The following MACROD2 variants were observed in gnomAD, a reference collection of about 807,000 sequenced individuals.
MACROD2 encodes the protein mono-ADP ribosylhydrolase 2, also known as ADP-ribose glycohydrolase MACROD2.
A neutral mutation model predicts 70.4 loss-of-function variants in MACROD2; 36 were observed. That is an observed-to-expected ratio of 0.51 (90% CI 0.39 to 0.68). The LOEUF is 0.68. Ranked by LOEUF, MACROD2 falls within the 30% of genes least tolerant of loss-of-function variation. MACROD2 has a pLI of 0.00. For synonymous variants in MACROD2, 172 were observed against 178.8 expected, an observed-to-expected ratio of 0.96 and a Z score of 0.30; for missense variants, 496 against 538.4, an observed-to-expected ratio of 0.92 and a Z score of 0.78.
At chr20:14,460,955 T>TC (rs986621002) in intron 3 of MACROD2, among the ~76,000 whole-genome samples, 32 of 151,278 alleles carry the variant, frequency 2.1e-4, no homozygotes, top group African/African-American at 6.6e-4. Context: ...TAGGGAGGAT[T>TC]CCCCCCTTTT....
chr20:15,250,460 C>T (rs2077145529), intron 6 of MACROD2, among the ~76,000 whole-genome samples: 1 of 152,080 alleles, frequency 6.6e-6, no homozygotes. Flanking sequence ...GTCCATTTAG[C>T]TTATGATAAA....
chr20:14,519,687 C>G (rs990861230), intron 4 of MACROD2, among the ~76,000 whole-genome samples: 1 of 152,152 alleles, frequency 6.6e-6, no homozygotes, highest in Non-Finnish European at 1.5e-5. Context: ...AACAGAATTA[C>G]CATTCAACCC....
At chr20:15,547,131 C>T (rs1330133079) in intron 8 of MACROD2, among the ~76,000 whole-genome samples, 2 of 152,284 alleles carry the variant, frequency 1.3e-5, no homozygotes, top group Middle Eastern at 3.4e-3. Context: ...ACTTAAAGCC[C>T]ATTAGTGTGG....
intron 8 of MACROD2, among the ~76,000 whole-genome samples, chr20:15,506,692 C>A (rs150942049): frequency 2.2e-4 from 34 of 152,298 alleles, no homozygotes; most frequent in African/African-American, 6.7e-4. Flanking sequence ...ATGATGCTTA[C>A]ATTTATGATG....
chr20:15,803,276 G>A (rs983830460), intron 8 of MACROD2, among the ~76,000 whole-genome samples: 1 of 152,074 alleles, frequency 6.6e-6, no homozygotes, highest in Non-Finnish European at 1.5e-5. Flanking sequence ...TCAGCAGAGT[G>A]AATCCAACAC....
At chr20:14,101,226 G>A (rs1017552300) in intron 3 of MACROD2, among the ~76,000 whole-genome samples, 1 of 151,710 alleles carries the variant, frequency 6.6e-6, no homozygotes, top group South Asian at 2.1e-4. Context: ...GTTATCATAA[G>A]GCATTCTTGA....
intron 5 of MACROD2, among the ~76,000 whole-genome samples, chr20:14,942,891 AT>A (rs1167521431): frequency 6.6e-6 from 1 of 152,172 alleles, no homozygotes; most frequent in Admixed American, 6.5e-5. Flanking sequence ...TGATAAAATA[AT>A]TTGCAAAGAC....
intron 5 of MACROD2, among the ~76,000 whole-genome samples, chr20:14,738,087 G>GTT (rs11474629): frequency 0.14 from 21,046 of 148,170 alleles, 1,959 homozygotes; most frequent in South Asian, 0.37. Flanking sequence ...TCTATCAAGT[G>GTT]TTTTTTTTTT....
Position 15,786,536 on chromosome 20 carries a change from A to G in MACROD2, c.646-76209A>G, listed in dbSNP as rs2051930342. On this transcript the variant is annotated intron_variant, in intron 8 of 17. Coordinates refer to ENST00000684519, the MANE Select transcript of MACROD2 (RefSeq NM_001351661.2). ...ATAGTTGGCTATTGTCTACAAAGTT[A>G]AAAGGAAGAAAATTATAACAGAATA... Among the ~76,000 whole-genome samples, 4 of 152,238 alleles carry G rather than the reference A, an allele frequency of 2.6e-5. No individual in the cohort carries two copies. The South Asian group carries it at 6.2e-4, about 24-fold the overall frequency.
intron 15 of MACROD2, among the ~76,000 whole-genome samples, chr20:16,004,926 G>A (rs1463943929): frequency 1.3e-5 from 2 of 152,226 alleles, no homozygotes; most frequent in Non-Finnish European, 2.9e-5. Context: ...AAAAAGTGGA[G>A]TATACACCTG....
intron 2 of MACROD2, among the ~76,000 whole-genome samples, chr20:14,076,149 C>CGGCTATCTGCGTATTTGTTTGT (rs1569147723): frequency 6.6e-6 from 1 of 152,020 alleles, no homozygotes; most frequent in African/African-American, 2.4e-5. Flanking sequence ...GATCTGTTTG[C>CGGCTATCTGCGTATTTGTTTGT]GGCTATCTGC....
intron 8 of MACROD2, among the ~76,000 whole-genome samples, chr20:15,581,735 T>C (rs1361828156): frequency 6.6e-6 from 1 of 152,210 alleles, no homozygotes; most frequent in Non-Finnish European, 1.5e-5. Context: ...AGCTGAGATC[T>C]GGTCCTTGAA....
chr20:15,229,354 A>G (rs1197110689), intron 5 of MACROD2, among the ~76,000 whole-genome samples: 1 of 152,248 alleles, frequency 6.6e-6, no homozygotes, highest in Non-Finnish European at 1.5e-5. Flanking sequence ...AACTATTAGC[A>G]TACCTTATGT....
chr20:15,528,164 C>T (rs142991949), intron 8 of MACROD2, among the ~76,000 whole-genome samples: 1,762 of 152,140 alleles, frequency 0.012, 38 homozygotes, highest in African/African-American at 0.04. Flanking sequence ...GAGACAGAGT[C>T]TTGCTCTTTG....
chr20:14,019,259 A>G (rs2053036401), intron 2 of MACROD2, among the ~76,000 whole-genome samples: 1 of 152,132 alleles, frequency 6.6e-6, no homozygotes, highest in African/African-American at 2.4e-5. Context: ...TAGCCTCTCC[A>G]TAAATTTGGA....
At position 15,876,109 on chromosome 20, in the gene MACROD2, A is replaced by ATATATATATATG. The variant is rs57817982; in HGVS notation, c.728-9652_728-9651insATATATATGTAT. Among the ~76,000 whole-genome samples, 196 of 124,418 alleles carry ATATATATATATG rather than the reference A, an allele frequency of 1.6e-3. 11 individuals carry two copies. Among genetic ancestry groups the ATATATATATATG allele is most frequent in the African/African-American group, 6.5e-3 (174 of 26,566 alleles). 81.6% of individuals were successfully genotyped at this position (124,418 alleles called of 152,430 possible). On this transcript the variant is annotated intron_variant, in intron 9 of 17. Coordinates refer to ENST00000684519, the MANE Select transcript of MACROD2 (RefSeq NM_001351661.2). ...ATGTCTTTTATATATATATATATAT[A>ATATATATATATG]TATGTGTGTATTTTTTTTATTACAC...
At chr20:14,302,392 C>T (rs139177114) in intron 3 of MACROD2, among the ~76,000 whole-genome samples, 94 of 152,252 alleles carry the variant, frequency 6.2e-4, no homozygotes, top group African/African-American at 2.0e-3. Context: ...CACTTTCACT[C>T]ACATTCAAAG....
chr20:14,151,811 C>CTTTTTTTTTTTTTTTTTTTTTTTT (rs144065987), intron 3 of MACROD2, among the ~76,000 whole-genome samples: 1 of 59,190 alleles, frequency 1.7e-5, no homozygotes, highest in Non-Finnish European at 3.0e-5. Flanking sequence ...TGTATTGTAT[C>CTTTTTTTTTTTTTTTTTTTTTTTT]TTTTTTTTTT....
intron 8 of MACROD2, among the ~76,000 whole-genome samples, chr20:15,601,032 A>C (rs1008940006): frequency 2.0e-5 from 3 of 152,216 alleles, no homozygotes; most frequent in Non-Finnish European, 4.4e-5. Flanking sequence ...CATTAATAAG[A>C]ATAGTTAACC....
Sources: gnomAD v4.1 joint callset for allele counts (sites outside exome capture counted in the v4.1 genomes callset) on GRCh38, gnomAD v4.1.1 for gene constraint, MANE v1.5 for transcripts, NCBI Gene and HGNC (gene_info 2026-07-23, HGNC 2026-07-21) for gene names.